DHRS2: variants seen among roughly 807,000 people sequenced by gnomAD.
The protein encoded by DHRS2 is dehydrogenase/reductase SDR family member 2, mitochondrial.
A neutral mutation model predicts 26.3 loss-of-function variants in DHRS2; 29 were observed. The observed-to-expected ratio is 1.10, with a 90% CI of 0.82 to 1.50. DHRS2 has a LOEUF of 1.50. DHRS2 is among the 40% of genes most tolerant of loss of function. DHRS2 has a pLI of 0.00. For missense variants in DHRS2, 439 were observed against 367.1 expected (o/e 1.20, Z -1.60); for synonymous variants, 164 against 151.3 (o/e 1.08, Z -0.62).
intron 4 of DHRS2, 157 bp downstream of exon 4, chr14:23,640,052 A>T (rs1566701949): frequency 2.8e-6 from 2 of 708,336 alleles, no homozygotes; most frequent in Non-Finnish European, 4.0e-6. Context: ...GTCTCCCAAA[A>T]TGTGCCCGGA....
At chr14:23,637,316 T>TAAAGAA (rs774468584) in intron 1 of DHRS2, among the ~76,000 whole-genome samples, 2 of 152,208 alleles carry the variant, frequency 1.3e-5, no homozygotes, top group African/African-American at 4.8e-5. Flanking sequence ...TTTAGGCACC[T>TAAAGAA]GGGCTCACCA....
Position 23,637,859 on chromosome 14 carries a change from A to G in DHRS2, c.-38-968A>G, listed in dbSNP as rs140137766. Among the ~76,000 whole-genome samples the G allele has an allele frequency of 3.1e-3, 472 of 152,262 alleles. 2 individuals carry two copies. The highest frequency in any genetic ancestry group is 0.011 in the African/African-American group (455 of 41,548). ...GTCAAAATGGACCAATCAGCTCTCT[A>G]TAAAACAGACCAATCAGCTCTCTGT... On this transcript the variant is annotated intron_variant, in intron 1 of 8. Coordinates refer to ENST00000250383, the MANE Select transcript of DHRS2 (RefSeq NM_005794.4).
chr14:23,640,457 C>T, intron 4 of DHRS2: 8 of 985,300 alleles, frequency 8.1e-6, no homozygotes, highest in Non-Finnish European at 9.6e-6. Context: ...GATTCTGCTA[C>T]CTTGTCCACA....
chr14:23,639,818 GACTTCCTGGTGTGCAGCGCAGGGGTCA>G lies in DHRS2; in HGVS notation c.346_372del (p.Phe116_Asn124del), dbSNP rs1168292375. 1 of 1,609,272 alleles carries G rather than the reference GACTTCCTGGTGTGCAGCGCAGGGGTCA, an allele frequency of 6.2e-7. No homozygotes were observed. Among genetic ancestry groups the G allele is most frequent in the East Asian group, 2.3e-5 (1 of 44,438 alleles). ...GGCCCTGGAGCACTGTGGGGGCGTC[GACTTCCTGGTGTGCAGCGCAGGGGTCA>G]ACCCTCTGGTAGGGAGCACTCTGGG... On this transcript the variant is annotated inframe_deletion, in exon 4 of 9. Coordinates refer to ENST00000250383, the MANE Select transcript of DHRS2 (RefSeq NM_005794.4).
chr14:23,640,364 A>C (rs1479431951), intron 4 of DHRS2: 2 of 985,386 alleles, frequency 2.0e-6, no homozygotes, highest in African/African-American at 3.5e-5. Flanking sequence ...ACTGAGTCCC[A>C]CACAAACTTG....
rs567259269 is a variant in DHRS2, at chr14:23,641,828, G to T, written c.421-1324G>T. ...GGGATTGAGTGGGAGTGAGATTGGG[G>T]GGTGGAAAAAACAGTGAACAGTCCT... On this transcript the variant is annotated intron_variant, in intron 4 of 8. Transcript: ENST00000250383. 38 of 1,260,100 alleles carry T rather than the reference G, an allele frequency of 3.0e-5. No individual in the cohort carries two copies. The African/African-American group carries it at 5.1e-4, about 17-fold the overall frequency. The allele number at this position is 1,260,100 out of a possible 1,614,324, so 78.1% of individuals were successfully genotyped here.
chr14:23,638,490 T>G (rs540359355), intron 1 of DHRS2: 1 of 183,618 alleles, frequency 5.4e-6, no homozygotes, highest in East Asian at 1.7e-4. Flanking sequence ...GGGCTGAGTC[T>G]GTCGTTTACT....
rs747629991 is a variant in DHRS2 at position 23,639,161 on chromosome 14, C to G, written c.141-18C>G. 1.2e-6 allele frequency: 2 copies of G among 1,610,838 alleles called. No homozygotes were observed. Among genetic ancestry groups the G allele is most frequent in the Non-Finnish European group, 1.7e-6 (2 of 1,178,842 alleles). On this transcript the variant is annotated intron_variant, in intron 2 of 8. Coordinates refer to ENST00000250383, the MANE Select transcript of DHRS2 (RefSeq NM_005794.4). ...AGAGAGGCTGAGGCTGACTTTTGCCCTCCATCTCTGCATTCAGGATCGGCT... is the reference window on the plus strand; with the variant it reads ...AGAGAGGCTGAGGCTGACTTTTGCCGTCCATCTCTGCATTCAGGATCGGCT...
At chr14:23,634,877 A>C (rs1890224950), upstream of DHRS2, among the ~76,000 whole-genome samples, 1 of 151,938 alleles carries the variant, frequency 6.6e-6, no homozygotes, top group Admixed American at 6.6e-5. Flanking sequence ...GGTTGTTTGG[A>C]AGTGTGTAGC....
rs1890484278 is a variant in DHRS2 at position 23,638,895 on chromosome 14, G to A, written c.31G>A (p.Gly11Ser). The A allele has an allele frequency of 6.2e-7, 1 of 1,614,064 alleles. No individual in the cohort carries two copies. The highest frequency in any genetic ancestry group is 1.3e-5 in the African/African-American group (1 of 74,922). Reference sequence around the variant, plus strand: ...GTCAGCAGTTGCCCGGGGCTACCAGGGCTGGTTTCATCCCTGTGCTAGGCT... The same window carrying A: ...GTCAGCAGTTGCCCGGGGCTACCAGAGCTGGTTTCATCCCTGTGCTAGGCT... MLSAVARGYQGWFHPCARLSV... is the reference protein window; with the variant it reads MLSAVARGYQSWFHPCARLSV... Residue 11 changes from glycine (G) to serine (S), a missense_variant, in exon 2 of 9, where the codon GGC becomes AGC. Gly to Ser is a moderately conservative substitution (Grantham distance 56). Coordinates refer to ENST00000250383, the MANE Select transcript of DHRS2 (RefSeq NM_005794.4).
intron 5 of DHRS2, chr14:23,643,894 A>G (rs547548311): frequency 2.6e-4 from 154 of 582,810 alleles, no homozygotes; most frequent in African/African-American, 2.6e-3. Flanking sequence ...GAGCATGGAC[A>G]TCGTATTTAT....
upstream of DHRS2, among the ~76,000 whole-genome samples, chr14:23,632,115 T>G (rs1890136726): frequency 6.6e-6 from 1 of 152,214 alleles, no homozygotes; most frequent in Non-Finnish European, 1.5e-5. Context: ...TACTCTAGCC[T>G]TCCAGCAGGG....
chr14:23,641,974 C>T lies in DHRS2; in HGVS notation c.421-1178C>T, dbSNP rs765071359. 6.0e-5 allele frequency: 68 copies of T among 1,138,838 alleles called. 1 individual carries two copies. Among genetic ancestry groups the T allele is most frequent in the Non-Finnish European group, 7.2e-5 (66 of 918,826 alleles). The allele number at this position is 1,138,838 out of a possible 1,614,324, so 70.5% of individuals were successfully genotyped here. ...TCAGTCCCACCTGGCACTGCCCTAG[C>T]TCCCAGGCTCCGCCTCTGCATCTTT... On this transcript the variant is annotated intron_variant, in intron 4 of 8. Coordinates refer to ENST00000250383, the MANE Select transcript of DHRS2 (RefSeq NM_005794.4).
chr14:23,639,883 G>C lies in DHRS2; in HGVS notation c.408G>C (p.Gln136His), dbSNP rs748890031. The C allele has an allele frequency of 6.2e-7, 1 of 1,604,036 alleles. No homozygotes were observed. The highest frequency in any genetic ancestry group is 8.5e-7 in the Non-Finnish European group (1 of 1,175,136). Residue 136 changes from glutamine to histidine, a missense_variant, in exon 4 of 9, where the codon CAG becomes CAC. Gln to His is a conservative substitution (Grantham distance 24). Transcript: ENST00000250383. Reference protein sequence around the residue: ...LVGSTLGTSEQIWDKILSVNV... With the variant: ...LVGSTLGTSEHIWDKILSVNV... Reference sequence around the variant, plus strand: ...GGAGCACTCTGGGGACCAGTGAGCAGATCTGGGACAAGGTGAGAGGCCTCC... The same window carrying C: ...GGAGCACTCTGGGGACCAGTGAGCACATCTGGGACAAGGTGAGAGGCCTCC...
chr14:23,635,545 A>G (rs1193568752), upstream of DHRS2, among the ~76,000 whole-genome samples: 9 of 152,188 alleles, frequency 5.9e-5, no homozygotes, highest in East Asian at 3.8e-4. Context: ...ATAATGCCAA[A>G]TCATTTCCCA....
intron 7 of DHRS2, 140 bp downstream of exon 7, chr14:23,644,683 T>G: frequency 6.7e-7 from 1 of 1,485,760 alleles, no homozygotes; most frequent in South Asian, 1.2e-5. Context: ...AACTCAGCCA[T>G]GGTGCAGTCC....
Position 23,645,143 on chromosome 14 carries a change from A to G in DHRS2, c.733A>G (p.Ile245Val). The G allele has an allele frequency of 1.9e-6, 3 of 1,613,962 alleles. No individual in the cohort carries two copies. The highest frequency in any genetic ancestry group is 3.3e-5 in the Admixed American group (2 of 60,014). Reference sequence around the variant, plus strand: ...ACACTGTGTCCTTCTTCCATCCAGGATTGGGGAGTCAGAGGACTGTGCAGG... The same window carrying G: ...ACACTGTGTCCTTCTTCCATCCAGGGTTGGGGAGTCAGAGGACTGTGCAGG... ...NFKEHHQLQR[I>V]GESEDCAGIV... Residue 245 changes from isoleucine (I) to valine (V), a missense_variant and splice_region_variant, in exon 9 of 9, where the codon ATT (isoleucine) becomes GTT (valine). Coordinates refer to ENST00000250383, the MANE Select transcript of DHRS2 (RefSeq NM_005794.4).
upstream of DHRS2, among the ~76,000 whole-genome samples, chr14:23,632,661 G>A (rs1259496195): frequency 2.6e-5 from 4 of 152,186 alleles, no homozygotes; most frequent in South Asian, 6.2e-4. Context: ...ACTGAGTTAT[G>A]CAAGAGTTGC....
intron 1 of DHRS2, 23 bp downstream of exon 1, chr14:23,636,795 C>A (rs1433530890): frequency 6.6e-6 from 1 of 152,244 alleles, no homozygotes; most frequent in Admixed American, 6.5e-5. Flanking sequence ...AGATCCCTTT[C>A]ATTTGCTATT....
Sources: allele counts gnomAD v4.1 joint callset (sites outside exome capture counted in the v4.1 genomes callset), GRCh38; gene constraint gnomAD v4.1.1; transcripts MANE v1.5; gene names NCBI Gene and HGNC (gene_info 2026-07-23, HGNC 2026-07-21).